TANC2: variants seen among roughly 807,000 people sequenced by gnomAD.
TANC2 encodes the protein tetratricopeptide repeat, ankyrin repeat and coiled-coil containing 2.
In TANC2, 26 loss-of-function variants were observed where a neutral mutation model predicts 210.5. The ratio of observed to expected loss-of-function variants is 0.12; its 90% CI spans 0.09 to 0.17. The LOEUF (loss-of-function observed/expected upper bound fraction) is 0.17. TANC2 is among the 10% of genes least tolerant of loss of function. The probability of loss-of-function intolerance (pLI) is 1.00; values close to 1 mark genes in which losing one functional copy is unlikely to be tolerated. For synonymous variants in TANC2, 931 were observed against 967.1 expected (o/e 0.96, Z 0.69); for missense variants, 2,129 against 2,608.9 (o/e 0.82, Z 4.01).
intron 21 of TANC2, among the ~76,000 whole-genome samples, chr17:63,406,821 G>C (rs1013317368): frequency 1.3e-5 from 2 of 152,168 alleles, no homozygotes; most frequent in African/African-American, 2.4e-5. Context: ...AGTACGTCAG[G>C]CTCCTGTTGG....
chr17:63,012,494 C>T (rs913755085), intron 2 of TANC2, among the ~76,000 whole-genome samples: 1 of 152,094 alleles, frequency 6.6e-6, no homozygotes, highest in Non-Finnish European at 1.5e-5. Context: ...TTTAGATTCT[C>T]TTCACCTATC....
intron 21 of TANC2, 129 bp downstream of exon 21, chr17:63,406,406 C>A: frequency 7.9e-7 from 1 of 1,263,606 alleles, no homozygotes; most frequent in Non-Finnish European, 1.1e-6. Flanking sequence ...AAATGAAAGG[C>A]TATCTCCTCC....
chr17:62,994,823 T>A (rs1408531273), intron 1 of TANC2, among the ~76,000 whole-genome samples: 1 of 152,226 alleles, frequency 6.6e-6, no homozygotes, highest in Non-Finnish European at 1.5e-5. Context: ...CTGCCATCTG[T>A]CTTTTTGCAT....
At chr17:63,099,321 A>G (rs772591341) in exon 4 of TANC2, 4 of 1,553,460 alleles carry the variant, frequency 2.6e-6, no homozygotes, top group Admixed American at 1.9e-5. Flanking sequence ...ACATCAGTCT[A>G]TCAGTGTTCG....
chr17:63,405,375 G>A, intron 20 of TANC2, 120 bp downstream of exon 20: 2 of 1,147,506 alleles, frequency 1.7e-6, no homozygotes, highest in Non-Finnish European at 2.3e-6. Flanking sequence ...GATCAGGTTT[G>A]AGGACTTGGA....
At chr17:63,422,916 TA>T (rs768658725) in exon 28 of TANC2, 3 of 152,232 alleles carry the variant, frequency 2.0e-5, no homozygotes, top group Non-Finnish European at 4.4e-5. Context: ...AAGGAAACTC[TA>T]ACCGAAGGCT....
intron 4 of TANC2, chr17:63,148,636 C>A (rs914910039): frequency 6.6e-6 from 1 of 152,168 alleles, no homozygotes; most frequent in African/African-American, 2.4e-5. Flanking sequence ...TCTCTTACAT[C>A]ACAATAAAAT....
chr17:63,282,510 C>G (rs1400250523), intron 9 of TANC2, among the ~76,000 whole-genome samples: 1 of 152,088 alleles, frequency 6.6e-6, no homozygotes, highest in Non-Finnish European at 1.5e-5. Context: ...AATAAAACTT[C>G]ATGATCAAGT....
intron 2 of TANC2, among the ~76,000 whole-genome samples, chr17:63,047,391 A>G (rs1238998134): frequency 2.0e-5 from 3 of 152,314 alleles, no homozygotes; most frequent in Non-Finnish European, 2.9e-5. Flanking sequence ...TTGTGGATAT[A>G]TGTTGAGAAG....
At chr17:63,362,926 GT>G (rs912630550) in intron 14 of TANC2, among the ~76,000 whole-genome samples, 4 of 152,044 alleles carry the variant, frequency 2.6e-5, no homozygotes, top group African/African-American at 7.2e-5. Context: ...TCTATTTATA[GT>G]TTTTTTTAGG....
At chr17:63,204,813 A>G (rs537631144) in intron 7 of TANC2, among the ~76,000 whole-genome samples, 1 of 152,204 alleles carries the variant, frequency 6.6e-6, no homozygotes, top group Non-Finnish European at 1.5e-5. Context: ...GGCCAGGTGC[A>G]GTGGCTCATG....
intron 7 of TANC2, among the ~76,000 whole-genome samples, chr17:63,230,821 G>A (rs1012909992): frequency 2.6e-5 from 4 of 152,114 alleles, no homozygotes; most frequent in African/African-American, 9.7e-5. Flanking sequence ...TTGAATATCT[G>A]TTAATTTTCT....
intron 9 of TANC2, among the ~76,000 whole-genome samples, chr17:63,301,203 C>T (rs2044701067): frequency 6.6e-6 from 1 of 152,128 alleles, no homozygotes; most frequent in Non-Finnish European, 1.5e-5. Flanking sequence ...AGGATTTTCG[C>T]ATTGATGTTC....
At chr17:63,216,345 G>A (rs2042026197) in intron 7 of TANC2, among the ~76,000 whole-genome samples, 2 of 152,036 alleles carry the variant, frequency 1.3e-5, no homozygotes, top group South Asian at 2.1e-4. Flanking sequence ...CACCATGCCC[G>A]GCCAGCTCCA....
intron 12 of TANC2, among the ~76,000 whole-genome samples, chr17:63,343,412 A>G (rs972151868): frequency 6.6e-6 from 1 of 152,252 alleles, no homozygotes; most frequent in Non-Finnish European, 1.5e-5. Context: ...GCACCTAATA[A>G]CAGAGGTTCC....
intron 5 of TANC2, among the ~76,000 whole-genome samples, chr17:63,162,297 T>G (rs1416440574): frequency 5.8e-5 from 8 of 138,228 alleles, no homozygotes; most frequent in Admixed American, 2.1e-4. Flanking sequence ...AACAAGACCC[T>G]GTCTGGAAAA....
At chr17:63,026,026 C>G (rs1447337775) in intron 2 of TANC2, among the ~76,000 whole-genome samples, 3 of 151,834 alleles carry the variant, frequency 2.0e-5, no homozygotes, top group Non-Finnish European at 4.4e-5. Context: ...CCTATGCATG[C>G]TGCTCCCTAT....
chr17:63,027,233 G>A (rs2034589405), intron 2 of TANC2, among the ~76,000 whole-genome samples: 1 of 151,884 alleles, frequency 6.6e-6, no homozygotes, highest in East Asian at 1.9e-4. Context: ...GCTGAAGATC[G>A]GTTACTGTAA....
In TANC2 at chr17:63,319,055, C is replaced by T. The variant is rs199541150; in HGVS notation, c.1540C>T (p.Arg514Trp). The change falls in exon 11 of 28, where the codon CGG becomes TGG. Residue 514 changes from arginine to tryptophan, a missense_variant. This residue lies in a region of TANC2 where 739 missense variants were observed against 848.0 expected (regional missense o/e 0.87). Coordinates refer to ENST00000689528, the Ensembl canonical transcript of TANC2. ...CCCAGGAACTCCGGAAATGCGCAGG[C>T]GGCAGGAGGAGGCTATGCGAAGACT... The T allele has an allele frequency of 2.1e-4, 339 of 1,613,412 alleles. 1 individual carries two copies. Among genetic ancestry groups the T allele is most frequent in the Non-Finnish European group, 2.6e-4 (309 of 1,179,696 alleles).
Sources: gnomAD v4.1 joint callset for allele counts (sites outside exome capture counted in the v4.1 genomes callset) on GRCh38, gnomAD v4.1.1 for gene constraint, gnomAD v4.1.1 regional missense constraint, MANE v1.5 for transcripts, NCBI Gene and HGNC (gene_info 2026-07-23, HGNC 2026-07-21) for gene names.